APOLD1: variants seen among roughly 807,000 people sequenced by gnomAD.
APOLD1 encodes the protein apolipoprotein L domain containing 1.
In APOLD1, 22 loss-of-function variants were observed where a neutral mutation model predicts 15.3. That is an observed-to-expected ratio of 1.44 (90% CI 1.03 to 2.05). APOLD1 has a LOEUF of 2.05. APOLD1 is among the 30% of genes most tolerant of loss of function. The pLI is 0.00. For synonymous variants in APOLD1, 190 were observed against 167.4 expected (o/e 1.13, Z -1.04); for missense variants, 394 against 353.5 (o/e 1.11, Z -0.92).
rs191608666 is a variant in APOLD1 at position 12,741,208 on chromosome 12, G to A, written c.96+15112G>A. On this transcript the variant is annotated intron_variant, in intron 1 of 1. Transcript: ENST00000326765. Reference sequence around the variant, plus strand: ...TTGCAAACTGTCATACTTTTTTTACGAACTTGAAACATTTTAGAGATAGGG... The same window carrying A: ...TTGCAAACTGTCATACTTTTTTTACAAACTTGAAACATTTTAGAGATAGGG... Among the ~76,000 whole-genome samples the A allele has an allele frequency of 1.2e-4, 18 of 152,102 alleles. No homozygotes were observed. In the East Asian group the frequency reaches 2.1e-3, roughly 18 times the overall value.
chr12:12,768,141 G>A (rs1946955090), intron 1 of APOLD1, among the ~76,000 whole-genome samples: 2 of 151,988 alleles, frequency 1.3e-5, no homozygotes, highest in African/African-American at 4.8e-5. Context: ...TATCTGTGGG[G>A]AGTCCTCAAA....
At chr12:12,729,049 C>T (rs1386780299) in intron 1 of APOLD1, among the ~76,000 whole-genome samples, 1 of 152,050 alleles carries the variant, frequency 6.6e-6, no homozygotes, top group African/African-American at 2.4e-5. Context: ...CACTCAGGAC[C>T]ATAATATAAT....
In APOLD1 at chr12:12,787,937, C is replaced by A; in HGVS notation, c.*285C>A. ...AACTTTCTGTCTAAACACAGCTGGG[C>A]AGGCACTCCTGTTTTAAAGTTATTT... On this transcript the variant is annotated 3_prime_UTR_variant, in exon 2 of 2. Coordinates refer to ENST00000356591, the MANE Select transcript of APOLD1 (RefSeq NM_030817.3). This position sits in a 1 kb window ranked among gnomAD's most constrained non-coding sequence, Gnocchi z 4.9. 1 of 370,730 alleles carries A rather than the reference C, an allele frequency of 2.7e-6. No homozygotes were observed. Among genetic ancestry groups the A allele is most frequent in the Non-Finnish European group, 4.9e-6 (1 of 205,854 alleles). The allele number at this position is 370,730 out of a possible 1,614,324, so 23.0% of individuals were successfully genotyped here.
intron 1 of APOLD1, among the ~76,000 whole-genome samples, chr12:12,758,111 T>A (rs562881855): frequency 6.7e-4 from 99 of 148,316 alleles, no homozygotes; most frequent in African/African-American, 1.3e-3. Flanking sequence ...TTTTTTTTTT[T>A]AATTTTAGTA....
chr12:12,785,798 G>A, intron 1 of APOLD1, 104 bp downstream of exon 1: 1 of 1,112,488 alleles, frequency 9.0e-7, no homozygotes, highest in Non-Finnish European at 1.4e-6. Context: ...AAGCATGGAA[G>A]TAAAATTAAG....
At chr12:12,761,062 C>T (rs1405616190) in intron 1 of APOLD1, among the ~76,000 whole-genome samples, 4 of 152,132 alleles carry the variant, frequency 2.6e-5, no homozygotes, top group African/African-American at 4.8e-5. Context: ...TTGGTGTCTG[C>T]GTCCTGAATA....
At chr12:12,757,034 G>A (rs1308106180) in intron 1 of APOLD1, among the ~76,000 whole-genome samples, 8 of 152,092 alleles carry the variant, frequency 5.3e-5, no homozygotes, top group East Asian at 1.9e-4. Context: ...TGATCCACCC[G>A]CCTCAGCCTC....
At chr12:12,745,831 A>G (rs1350736733) in intron 1 of APOLD1, among the ~76,000 whole-genome samples, 1 of 152,114 alleles carries the variant, frequency 6.6e-6, no homozygotes, top group African/African-American at 2.4e-5. Flanking sequence ...GGTCTTGCCT[A>G]CAGCAGATCT....
At position 12,787,199 on chromosome 12, in the gene APOLD1, A is replaced by C. The variant is rs779572873; in HGVS notation, c.294A>C (p.Gly98=). 7 of 1,548,454 alleles carry C rather than the reference A, an allele frequency of 4.5e-6. No homozygotes were observed. Among genetic ancestry groups the C allele is most frequent in the Non-Finnish European group, 6.1e-6 (7 of 1,155,482 alleles). ...TGGGGCTGGGGGTGGCCACAGCCGG[A>C]GGGGCCGTCACCATCACGTCCGATC... ...SAVGLGVATA[G]GAVTITSDLS... The change falls in exon 2 of 2, where the codon GGA becomes GGC. Residue 98 remains glycine (G), a synonymous_variant. Transcript: ENST00000356591. The surrounding 1 kb of genome is among the most constrained non-coding windows in gnomAD (Gnocchi z 4.9).
intron 1 of APOLD1, among the ~76,000 whole-genome samples, chr12:12,731,144 A>C (rs972944540): frequency 9.2e-5 from 14 of 152,188 alleles, no homozygotes; most frequent in South Asian, 2.1e-4. Flanking sequence ...CCATCTCAAA[A>C]AAACAAACAA....
intron 1 of APOLD1, among the ~76,000 whole-genome samples, chr12:12,742,443 C>T (rs1356824083): frequency 6.6e-6 from 1 of 152,186 alleles, no homozygotes; most frequent in Non-Finnish European, 1.5e-5. Flanking sequence ...AGGCATTTCT[C>T]AAAGGCCACC....
intron 1 of APOLD1, among the ~76,000 whole-genome samples, chr12:12,726,900 T>G (rs1024800956): frequency 6.6e-6 from 1 of 152,222 alleles, no homozygotes; most frequent in African/African-American, 2.4e-5. Flanking sequence ...TGTGTTTTAA[T>G]GGAATGAGAA....
At chr12:12,781,920 C>T (rs929629500), upstream of APOLD1, among the ~76,000 whole-genome samples, 5 of 151,968 alleles carry the variant, frequency 3.3e-5, no homozygotes, top group South Asian at 4.2e-4. Flanking sequence ...TAGTCCTTTC[C>T]GCTAGACTTA....
chr12:12,752,490 C>A (rs1592296602), intron 1 of APOLD1, among the ~76,000 whole-genome samples: 3 of 152,178 alleles, frequency 2.0e-5, no homozygotes, highest in African/African-American at 7.2e-5. Flanking sequence ...CAGACCACTT[C>A]TTGGACTTAT....
chr12:12,728,495 G>A (rs1275629993), intron 1 of APOLD1, among the ~76,000 whole-genome samples: 3 of 151,274 alleles, frequency 2.0e-5, no homozygotes, highest in African/African-American at 7.3e-5. Flanking sequence ...GTGAAACCCC[G>A]TTTCTACAAA....
chr12:12,745,772 T>A (rs1386658006), intron 1 of APOLD1, among the ~76,000 whole-genome samples: 1 of 151,738 alleles, frequency 6.6e-6, no homozygotes, highest in East Asian at 1.9e-4. Flanking sequence ...TAGTTTCAGG[T>A]GGGAAGGGGG....
chr12:12,726,316 TATGTTAAA>T (rs1946593192), intron 1 of APOLD1: 1 of 655,704 alleles, frequency 1.5e-6, no homozygotes, highest in African/African-American at 1.8e-5. Flanking sequence ...GCGGGAGGAA[TATGTTAAA>T]ACAAACTCAA....
At chr12:12,728,155 TG>T (rs1347688018) in intron 1 of APOLD1, among the ~76,000 whole-genome samples, 1 of 151,160 alleles carries the variant, frequency 6.6e-6, no homozygotes. Flanking sequence ...TTTGTAGAGA[TG>T]GGGTCTTGCT....
At chr12:12,772,309 A>C (rs1467696439) in intron 1 of APOLD1, among the ~76,000 whole-genome samples, 4 of 152,254 alleles carry the variant, frequency 2.6e-5, no homozygotes, top group Admixed American at 2.6e-4. Flanking sequence ...CCCTGACAAC[A>C]CTAATCAAAA....
Sources: gnomAD v4.1 joint callset for allele counts (sites outside exome capture counted in the v4.1 genomes callset) on GRCh38, gnomAD v4.1.1 for gene constraint, Gnocchi (gnomAD v3.1) non-coding constraint, MANE v1.5 for transcripts, NCBI Gene and HGNC (gene_info 2026-07-23, HGNC 2026-07-21) for gene names.